OTOGL: variants seen among roughly 807,000 people sequenced by gnomAD.
OTOGL encodes otogelin-like protein.
Under a neutral mutation model 318.5 loss-of-function variants are expected in OTOGL, and 285 were observed. The observed-to-expected ratio is 0.89, with a 90% CI of 0.81 to 0.99. The LOEUF (loss-of-function observed/expected upper bound fraction) is 0.99. OTOGL is among the 50% of genes least tolerant of loss of function. The probability of loss-of-function intolerance (pLI) is 0.00; values close to 1 mark genes in which losing one functional copy is unlikely to be tolerated. For synonymous variants in OTOGL, 987 were observed against 936.5 expected, an observed-to-expected ratio of 1.05 and a Z score of -0.99; for missense variants, 2,899 against 2,845.6, an observed-to-expected ratio of 1.02 and a Z score of -0.43.
At chr12:80,298,945 T>A (rs1885585555) in intron 27 of OTOGL, among the ~76,000 whole-genome samples, 1 of 152,212 alleles carries the variant, frequency 6.6e-6, no homozygotes, top group African/African-American at 2.4e-5. Flanking sequence ...CTTTAAAAAC[T>A]GACCTATATT....
intron 1 of OTOGL, chr12:80,103,257 C>A (rs1371650023): frequency 1.3e-6 from 2 of 1,539,974 alleles, no homozygotes; most frequent in East Asian, 2.2e-5. Context: ...AATCTTCCTT[C>A]GAATGTGGGA....
At chr12:80,339,012 G>C (rs1390099067) in intron 42 of OTOGL, 63 bp from the exon 43 acceptor site, 3 of 1,273,396 alleles carry the variant, frequency 2.4e-6, no homozygotes, top group Non-Finnish European at 3.3e-6. Flanking sequence ...GGAATAATCT[G>C]TATTCTCCTA....
chr12:80,295,049 T>A (rs565785199), intron 26 of OTOGL, among the ~76,000 whole-genome samples: 1 of 151,376 alleles, frequency 6.6e-6, no homozygotes, highest in African/African-American at 2.4e-5. Context: ...TGACTCATGA[T>A]CATGCCACTG....
chr12:80,161,307 T>G (rs1168424693), intron 1 of OTOGL, among the ~76,000 whole-genome samples: 1 of 151,974 alleles, frequency 6.6e-6, no homozygotes, highest in African/African-American at 2.4e-5. Context: ...GTGGAAAAAC[T>G]GTAACTAGGA....
At chr12:80,373,063 A>C (rs1487181717) in intron 57 of OTOGL, among the ~76,000 whole-genome samples, 1 of 152,178 alleles carries the variant, frequency 6.6e-6, no homozygotes, top group Non-Finnish European at 1.5e-5. Context: ...TTGTGAATTT[A>C]TCTCAATATA....
chr12:80,188,052 A>T (rs1168803265), intron 1 of OTOGL, among the ~76,000 whole-genome samples: 8 of 152,110 alleles, frequency 5.3e-5, no homozygotes, highest in African/African-American at 1.7e-4. Context: ...TGAAATATTC[A>T]CTTGGGGAGA....
At chr12:80,176,672 T>G (rs1448315261) in intron 1 of OTOGL, among the ~76,000 whole-genome samples, 3 of 152,200 alleles carry the variant, frequency 2.0e-5, no homozygotes, top group Non-Finnish European at 2.9e-5. Context: ...GTTTTCAGTT[T>G]CTGGCTATTA....
At chr12:80,191,168 T>C (rs983755329) in intron 1 of OTOGL, among the ~76,000 whole-genome samples, 2 of 152,236 alleles carry the variant, frequency 1.3e-5, no homozygotes, top group African/African-American at 4.8e-5. Flanking sequence ...CTGGGAGCAG[T>C]GGTTCATGCC....
chr12:80,231,453 C>T (rs533438495), intron 8 of OTOGL, among the ~76,000 whole-genome samples: 2 of 152,018 alleles, frequency 1.3e-5, no homozygotes, highest in African/African-American at 4.8e-5. Flanking sequence ...GGGATTATCC[C>T]TTTGTTAATT....
intron 27 of OTOGL, among the ~76,000 whole-genome samples, chr12:80,300,384 C>T (rs912446974): frequency 5.3e-5 from 8 of 151,934 alleles, no homozygotes; most frequent in African/African-American, 1.7e-4. Flanking sequence ...TGGAGCGTAG[C>T]AGTGGTCTCT....
At chr12:80,368,899 A>G (rs1178178239) in intron 55 of OTOGL, among the ~76,000 whole-genome samples, 1 of 151,892 alleles carries the variant, frequency 6.6e-6, no homozygotes. Flanking sequence ...ACAGATTAGC[A>G]TAAATATAAT....
intron 32 of OTOGL, among the ~76,000 whole-genome samples, chr12:80,316,957 C>T (rs915382485): frequency 1.3e-5 from 2 of 152,068 alleles, no homozygotes; most frequent in African/African-American, 4.8e-5. Flanking sequence ...AAAGCACATA[C>T]ATAAATAAGT....
At chr12:80,244,157 ATTTTTTCT>A (rs919677850) in intron 11 of OTOGL, among the ~76,000 whole-genome samples, 3 of 147,254 alleles carry the variant, frequency 2.0e-5, no homozygotes, top group African/African-American at 7.6e-5. Flanking sequence ...CGAAAGTCCT[ATTTTTTCT>A]TTTTTTCTTT....
At chr12:80,132,205 T>G (rs557266680) in intron 1 of OTOGL, 2 of 152,354 alleles carry the variant, frequency 1.3e-5, no homozygotes, top group South Asian at 4.1e-4. Flanking sequence ...CACACCTATA[T>G]AAGTTGTGCT....
intron 1 of OTOGL, among the ~76,000 whole-genome samples, chr12:80,197,602 T>G (rs1876167608): frequency 6.6e-6 from 1 of 152,244 alleles, no homozygotes; most frequent in Admixed American, 6.5e-5. Flanking sequence ...CTATTCAGCC[T>G]GCAGACTTCT....
chr12:80,270,830 A>C (rs1449473212), intron 23 of OTOGL, among the ~76,000 whole-genome samples: 1 of 152,140 alleles, frequency 6.6e-6, no homozygotes, highest in African/African-American at 2.4e-5. Context: ...TCAAATTCTC[A>C]GTTACTATGG....
chr12:80,162,422 A>G (rs1315600032), intron 1 of OTOGL, among the ~76,000 whole-genome samples: 1 of 152,166 alleles, frequency 6.6e-6, no homozygotes, highest in Admixed American at 6.6e-5. Context: ...TCATAAGTAT[A>G]CACAAGGACA....
chr12:80,197,050 A>G (rs1241886111), intron 1 of OTOGL, among the ~76,000 whole-genome samples: 1 of 152,160 alleles, frequency 6.6e-6, no homozygotes, highest in African/African-American at 2.4e-5. Flanking sequence ...GGCATGATAC[A>G]ACTTTGGTGT....
At chr12:80,165,838 A>AGTT (rs1396250066) in intron 1 of OTOGL, among the ~76,000 whole-genome samples, 1 of 152,176 alleles carries the variant, frequency 6.6e-6, no homozygotes, top group Non-Finnish European at 1.5e-5. Flanking sequence ...CTTCATCAAT[A>AGTT]GTTGTTGGTT....
Sources: gnomAD v4.1 joint callset for allele counts (sites outside exome capture counted in the v4.1 genomes callset) on GRCh38, gnomAD v4.1.1 for gene constraint, MANE v1.5 for transcripts, NCBI Gene and HGNC (gene_info 2026-07-23, HGNC 2026-07-21) for gene names.